Variants in SLC24A2 observed in about 807,000 individuals in gnomAD.
The protein encoded by SLC24A2 is sodium/potassium/calcium exchanger 2.
Under a neutral mutation model 62.0 loss-of-function variants are expected in SLC24A2, and 36 were observed. That is an observed-to-expected ratio of 0.58 (90% confidence interval 0.44 to 0.77). The LOEUF (loss-of-function observed/expected upper bound fraction) is 0.77. Among genes scored for constraint, SLC24A2 ranks in the 30% least tolerant of loss-of-function variants. SLC24A2 has a pLI of 0.00. For missense variants in SLC24A2, 846 were observed against 817.9 expected, an observed-to-expected ratio of 1.03 and a Z score of -0.42; for synonymous variants, 358 against 294.0, an observed-to-expected ratio of 1.22 and a Z score of -2.23.
chr9:20,103,786 G>A, the SLC24A2 span, among the ~76,000 whole-genome samples: 1 of 151,842 alleles, frequency 6.6e-6, no homozygotes, highest in Non-Finnish European at 1.5e-5. Flanking sequence ...CTAAAAAGCA[G>A]AGCGCCCCTC....
At chr9:19,564,493 CA>C (rs1397914520) in intron 7 of SLC24A2, among the ~76,000 whole-genome samples, 1 of 151,918 alleles carries the variant, frequency 6.6e-6, no homozygotes, top group Non-Finnish European at 1.5e-5. Flanking sequence ...GCATATTACA[CA>C]TTCTCTGTCT....
chr9:19,885,098 T>A, the SLC24A2 span, among the ~76,000 whole-genome samples: 1 of 152,196 alleles, frequency 6.6e-6, no homozygotes, highest in African/African-American at 2.4e-5. Context: ...TGTCTCCATA[T>A]GGCAGTGTAT....
chr9:20,045,233 C>T, the SLC24A2 span, among the ~76,000 whole-genome samples: 2 of 152,116 alleles, frequency 1.3e-5, no homozygotes, highest in Admixed American at 1.3e-4. Flanking sequence ...GTGGGGAAGA[C>T]AGACCTCACC....
At chr9:19,834,392 A>T in the SLC24A2 span, among the ~76,000 whole-genome samples, 1 of 152,220 alleles carries the variant, frequency 6.6e-6, no homozygotes, top group African/African-American at 2.4e-5. Context: ...GACCTGATGG[A>T]GCTGAAAACC....
At chr9:20,041,647 G>A in the SLC24A2 span, among the ~76,000 whole-genome samples, 5 of 152,214 alleles carry the variant, frequency 3.3e-5, no homozygotes, top group African/African-American at 7.2e-5. Context: ...TTCAGGGTCT[G>A]CCTCATACAT....
At chr9:19,519,206 T>C (rs1462965438) in intron 10 of SLC24A2, among the ~76,000 whole-genome samples, 1 of 152,164 alleles carries the variant, frequency 6.6e-6, no homozygotes, top group East Asian at 1.9e-4. Flanking sequence ...TGCTTTAAAA[T>C]GGAAAAATAA....
chr9:20,271,149 A>T, the SLC24A2 span, among the ~76,000 whole-genome samples: 6 of 151,958 alleles, frequency 3.9e-5, no homozygotes, highest in South Asian at 4.2e-4. Flanking sequence ...CCCTTTCTCC[A>T]CTCACCCACC....
the SLC24A2 span, among the ~76,000 whole-genome samples, chr9:20,004,966 G>C: frequency 6.6e-6 from 1 of 152,048 alleles, no homozygotes; most frequent in Non-Finnish European, 1.5e-5. Context: ...TACTAAATAA[G>C]AGATTTTCTC....
intron 2 of SLC24A2, 92 bp downstream of exon 2, chr9:19,785,845 C>T (rs1823148259): frequency 7.2e-6 from 11 of 1,532,632 alleles, no homozygotes; most frequent in Admixed American, 5.2e-5. Flanking sequence ...GCCCCAAACA[C>T]CATCACATCA....
At chr9:19,688,244 G>A (rs1819941984) in intron 2 of SLC24A2, among the ~76,000 whole-genome samples, 1 of 152,104 alleles carries the variant, frequency 6.6e-6, no homozygotes, top group Admixed American at 6.6e-5. Flanking sequence ...GATAATCCTG[G>A]CTTTATGGAT....
the SLC24A2 span, among the ~76,000 whole-genome samples, chr9:19,878,175 T>C: frequency 2.0e-5 from 3 of 152,132 alleles, no homozygotes; most frequent in Non-Finnish European, 4.4e-5. Context: ...GCAAGAAGAC[T>C]TCTTATTGCC....
intron 9 of SLC24A2, among the ~76,000 whole-genome samples, chr9:19,524,320 T>G (rs552756061): frequency 1.9e-4 from 29 of 150,724 alleles, no homozygotes; most frequent in African/African-American, 6.8e-4. Flanking sequence ...TAATATTAGA[T>G]GCAGGATTGA....
chr9:20,157,797 CT>C, the SLC24A2 span, among the ~76,000 whole-genome samples: 9 of 151,502 alleles, frequency 5.9e-5, no homozygotes, highest in Admixed American at 4.0e-4. Context: ...ATACTCACCC[CT>C]CTCCCTGTTT....
At chr9:19,532,366 G>A (rs985164400) in intron 8 of SLC24A2, among the ~76,000 whole-genome samples, 3 of 152,108 alleles carry the variant, frequency 2.0e-5, no homozygotes, top group African/African-American at 7.2e-5. Context: ...AAAGTGCTGG[G>A]ACTACAGGTG....
chr9:20,200,913 T>C, the SLC24A2 span, among the ~76,000 whole-genome samples: 10 of 152,242 alleles, frequency 6.6e-5, no homozygotes, highest in African/African-American at 2.4e-4. Flanking sequence ...TGTGGTAGTT[T>C]TGTTCTGTAG....
chr9:20,085,660 T>A, the SLC24A2 span, among the ~76,000 whole-genome samples: 1 of 152,202 alleles, frequency 6.6e-6, no homozygotes, highest in Admixed American at 6.5e-5. Flanking sequence ...ATGGCAAAAT[T>A]TTATTGTATT....
intron 2 of SLC24A2, among the ~76,000 whole-genome samples, chr9:19,636,729 T>G (rs1198372001): frequency 6.6e-6 from 1 of 152,048 alleles, no homozygotes; most frequent in Admixed American, 6.6e-5. Context: ...CCACCACGCC[T>G]GGCCAGTACT....
intron 2 of SLC24A2, among the ~76,000 whole-genome samples, chr9:19,691,931 A>G (rs768941987): frequency 6.6e-6 from 1 of 152,120 alleles, no homozygotes; most frequent in East Asian, 1.9e-4. Flanking sequence ...GGGCACTCCA[A>G]TGCCTTTATA....
At chr9:20,260,653 T>C in the SLC24A2 span, among the ~76,000 whole-genome samples, 1 of 152,118 alleles carries the variant, frequency 6.6e-6, no homozygotes, top group African/African-American at 2.4e-5. Flanking sequence ...TTTATTTTTT[T>C]ACTTTTATTA....
Sources: allele counts gnomAD v4.1 joint callset (sites outside exome capture counted in the v4.1 genomes callset), GRCh38; gene constraint gnomAD v4.1.1; transcripts MANE v1.5; gene names NCBI Gene and HGNC (gene_info 2026-07-23, HGNC 2026-07-21).